The following ADAT2 variants were observed in gnomAD, a reference collection of about 807,000 sequenced individuals.
ADAT2 encodes the protein tRNA-specific adenosine-34 deaminase catalytic subunit ADAT2.
Under a neutral mutation model 25.9 loss-of-function variants are expected in ADAT2, and 26 were observed. The observed-to-expected ratio is 1.00, with a 90% CI of 0.74 to 1.39. The LOEUF (loss-of-function observed/expected upper bound fraction) is 1.39. Among genes scored for constraint, ADAT2 ranks in the 40% most tolerant of loss-of-function variants. ADAT2 has a pLI of 0.00. For synonymous variants in ADAT2, 76 were observed against 86.8 expected, an observed-to-expected ratio of 0.88 and a Z score of 0.69; for missense variants, 220 against 244.8, an observed-to-expected ratio of 0.90 and a Z score of 0.68.
intron 1 of ADAT2, among the ~76,000 whole-genome samples, chr6:143,447,439 A>C (rs1779629161): frequency 1.3e-5 from 2 of 152,316 alleles, no homozygotes. Flanking sequence ...ACCAAAAAAA[A>C]CTGCTGATAA....
At chr6:143,430,765 C>T (rs1011805901) in intron 4 of ADAT2, among the ~76,000 whole-genome samples, 45 of 152,162 alleles carry the variant, frequency 3.0e-4, no homozygotes, top group Non-Finnish European at 5.7e-4. Flanking sequence ...CGGGGTTTCA[C>T]CATGTTAGCC....
chr6:143,441,532 G>C (rs190183305), intron 1 of ADAT2: 3 of 152,376 alleles, frequency 2.0e-5, no homozygotes, highest in African/African-American at 7.2e-5. Context: ...AATGGGAGCA[G>C]GCATCACATG....
rs916862171 is a variant in ADAT2, at chr6:143,440,871, T to C, written c.97-2177A>G. 6.6e-6 allele frequency among the ~76,000 whole-genome samples: 1 copy of C among 152,212 alleles called. No individual in the cohort carries two copies. The highest frequency in any genetic ancestry group is 1.5e-5 in the Non-Finnish European group (1 of 68,036). On this transcript the variant is annotated intron_variant, in intron 1 of 5. Coordinates refer to ENST00000237283, the MANE Select transcript of ADAT2 (RefSeq NM_182503.3). This position sits in a 1 kb window ranked among gnomAD's most constrained non-coding sequence, Gnocchi z 4.5. ...ACAGAAGAGACAAATCATTTATTCA[T>C]GCAAAAAATATTTGTTGAGGATCTT...
rs1388484096 is a variant in ADAT2, at chr6:143,444,191, A to G, written c.97-5497T>C. ...TCTTCATGTTTATTTTGAGTAACAC[A>G]GTTTTTTTTCCTGAAATGCCTTCCA... On this transcript the variant is annotated intron_variant, in intron 1 of 5. Coordinates refer to ENST00000237283, the MANE Select transcript of ADAT2 (RefSeq NM_182503.3). This position sits in a 1 kb window ranked among gnomAD's most constrained non-coding sequence, Gnocchi z 4.3. 6.6e-6 allele frequency among the ~76,000 whole-genome samples: 1 copy of G among 151,876 alleles called. No individual in the cohort carries two copies. Among genetic ancestry groups the G allele is most frequent in the East Asian group, 1.9e-4 (1 of 5,192 alleles).
At chr6:143,429,766 T>C (rs944699782) in intron 4 of ADAT2, among the ~76,000 whole-genome samples, 1 of 152,180 alleles carries the variant, frequency 6.6e-6, no homozygotes, top group Non-Finnish European at 1.5e-5. Context: ...CCAGAAAGCA[T>C]AGGCACAGAG....
intron 2 of ADAT2, 79 bp downstream of exon 2, chr6:143,438,511 T>C: frequency 8.7e-7 from 1 of 1,150,942 alleles, no homozygotes; most frequent in East Asian, 2.4e-5. Flanking sequence ...AGTCTCACCT[T>C]CACACCAACT....
rs1778828585 is a variant in ADAT2 at position 143,423,020 on chromosome 6, G to A, written c.*5443C>T. On this transcript the variant is annotated 3_prime_UTR_variant, in exon 6 of 6. Coordinates refer to ENST00000237283, the MANE Select transcript of ADAT2 (RefSeq NM_182503.3). ...TTTCAAAAGGAAAAAACAAAACCAT[G>A]GTACTGAAGCAATTCACCATGAGCT... 6.6e-6 allele frequency: 1 copy of A among 152,090 alleles called. No homozygotes were observed. The highest frequency in any genetic ancestry group is 2.1e-4 in the South Asian group (1 of 4,820). The allele number at this position is 152,090 out of a possible 1,614,324, so 9.4% of individuals were successfully genotyped here. A position where few individuals can be genotyped will look rare whatever the true frequency, so the allele number is the denominator to read the frequency against.
At chr6:143,438,178 T>C (rs142505008) in intron 2 of ADAT2, among the ~76,000 whole-genome samples, 2 of 152,304 alleles carry the variant, frequency 1.3e-5, no homozygotes, top group African/African-American at 4.8e-5. Flanking sequence ...AAAAAAGGAA[T>C]GTATTATGAG....
chr6:143,448,918 AT>A (rs1174393078), intron 1 of ADAT2, among the ~76,000 whole-genome samples: 1 of 152,206 alleles, frequency 6.6e-6, no homozygotes, highest in African/African-American at 2.4e-5. Context: ...CTTTTTCAGT[AT>A]TAGGGTATAC....
chr6:143,424,679 TTCTC>T lies in ADAT2; in HGVS notation c.*3780_*3783del, dbSNP rs1205610428. 6.6e-6 allele frequency: 1 copy of T among 152,220 alleles called. No individual in the cohort carries two copies. The highest frequency in any genetic ancestry group is 1.5e-5 in the Non-Finnish European group (1 of 68,038). 9.4% of individuals were successfully genotyped at this position (152,220 alleles called of 1,614,324 possible). A position where few individuals can be genotyped will look rare whatever the true frequency, so the allele number is the denominator to read the frequency against. ...GGAAATTAGGAAGGAAAGAATTTAT[TTCTC>T]AGGCTTAATTTTGATGCTTATTAAG... On this transcript the variant is annotated 3_prime_UTR_variant, in exon 6 of 6. Coordinates refer to ENST00000237283, the MANE Select transcript of ADAT2 (RefSeq NM_182503.3). The surrounding 1 kb of genome is among the most constrained non-coding windows in gnomAD (Gnocchi z 4.8).
Position 143,423,424 on chromosome 6 carries a change from G to A in ADAT2, c.*5039C>T, listed in dbSNP as rs1024369454. ...CATGAGTGGTACCGAAACCGGCAGC[G>A]GGCTGGATATGGCCCATGGGCCATA... On this transcript the variant is annotated 3_prime_UTR_variant, in exon 6 of 6. Coordinates refer to ENST00000237283, the MANE Select transcript of ADAT2 (RefSeq NM_182503.3). 2 of 152,094 alleles carry A rather than the reference G, an allele frequency of 1.3e-5. No individual in the cohort carries two copies. Among genetic ancestry groups the A allele is most frequent in the Non-Finnish European group, 2.9e-5 (2 of 68,008 alleles). The allele number at this position is 152,094 out of a possible 1,614,324, so 9.4% of individuals were successfully genotyped here. A position where few individuals can be genotyped will look rare whatever the true frequency, so the allele number is the denominator to read the frequency against.
intron 1 of ADAT2, chr6:143,445,054 T>C (rs1779562599): frequency 5.0e-6 from 4 of 800,140 alleles, no homozygotes; most frequent in Non-Finnish European, 7.2e-6. Flanking sequence ...GGCTAAACTA[T>C]ATAACTGTTT....
At chr6:143,445,101 G>A in intron 1 of ADAT2, 1 of 287,934 alleles carries the variant, frequency 3.5e-6, no homozygotes, top group South Asian at 5.4e-5. Context: ...TACTCTCTGA[G>A]TAATTAGCAG....
chr6:143,434,307 ATGGTTTC>A lies in ADAT2; in HGVS notation c.202-333_202-327del, dbSNP rs985548610. Among the ~76,000 whole-genome samples the A allele has an allele frequency of 6.6e-6, 1 of 152,232 alleles. No homozygotes were observed. Among genetic ancestry groups the A allele is most frequent in the African/African-American group, 2.4e-5 (1 of 41,458 alleles). On this transcript the variant is annotated intron_variant, in intron 2 of 5. Coordinates refer to ENST00000237283, the MANE Select transcript of ADAT2 (RefSeq NM_182503.3). This position sits in a 1 kb window ranked among gnomAD's most constrained non-coding sequence, Gnocchi z 4.5. ...AAACAAAGAAAAAAAGATAAAGTCT[ATGGTTTC>A]TGAATATTTCAGGGGAAGCAAAATT...
rs1778932577 is a variant in ADAT2, at chr6:143,426,312, C to T, written c.*2151G>A. 1 of 152,200 alleles carries T rather than the reference C, an allele frequency of 6.6e-6. No individual in the cohort carries two copies. The highest frequency in any genetic ancestry group is 2.4e-5 in the African/African-American group (1 of 41,444). 9.4% of individuals were successfully genotyped at this position (152,200 alleles called of 1,614,324 possible). A position where few individuals can be genotyped will look rare whatever the true frequency, so the allele number is the denominator to read the frequency against. On this transcript the variant is annotated 3_prime_UTR_variant, in exon 6 of 6. Coordinates refer to ENST00000237283, the MANE Select transcript of ADAT2 (RefSeq NM_182503.3). The surrounding 1 kb of genome is among the most constrained non-coding windows in gnomAD (Gnocchi z 4.1). ...ATATATCCATAATTCCTCACTGTCA[C>T]TTGGAAATTGCTAGCAGAATTCCAT...
intron 4 of ADAT2, among the ~76,000 whole-genome samples, chr6:143,430,623 G>A (rs1426371571): frequency 1.3e-5 from 2 of 152,008 alleles, no homozygotes; most frequent in Non-Finnish European, 2.9e-5. Context: ...GTGCAGTGGC[G>A]CAATCTCGGC....
chr6:143,441,112 C>T (rs1033782913), intron 1 of ADAT2, among the ~76,000 whole-genome samples: 2 of 152,182 alleles, frequency 1.3e-5, no homozygotes, highest in Non-Finnish European at 2.9e-5. Flanking sequence ...TTGGGGCTCA[C>T]TAAAATTTCA....
At chr6:143,443,050 C>G (rs1482831520) in intron 1 of ADAT2, among the ~76,000 whole-genome samples, 1 of 152,100 alleles carries the variant, frequency 6.6e-6, no homozygotes, top group Non-Finnish European at 1.5e-5. Flanking sequence ...TACTTTGATC[C>G]AGGACTAATT....
rs576752471 is a variant in ADAT2 at position 143,427,446 on chromosome 6, C to T, written c.*1017G>A. 1 of 152,338 alleles carries T rather than the reference C, an allele frequency of 6.6e-6. No homozygotes were observed. Among genetic ancestry groups the T allele is most frequent in the Non-Finnish European group, 1.5e-5 (1 of 68,036 alleles). 9.4% of individuals were successfully genotyped at this position (152,338 alleles called of 1,614,324 possible). A position where few individuals can be genotyped will look rare whatever the true frequency, so the allele number is the denominator to read the frequency against. ...CGCCCAGAGGGCTGTGCAAAGCTGC[C>T]CTGTAGTCATGGAGGTGAACTGGGG... On this transcript the variant is annotated 3_prime_UTR_variant, in exon 6 of 6. Coordinates refer to ENST00000237283, the MANE Select transcript of ADAT2 (RefSeq NM_182503.3).
Sources: allele counts gnomAD v4.1 joint callset (sites outside exome capture counted in the v4.1 genomes callset), GRCh38; gene constraint gnomAD v4.1.1; non-coding constraint Gnocchi (gnomAD v3.1); transcripts MANE v1.5; gene names NCBI Gene and HGNC (gene_info 2026-07-23, HGNC 2026-07-21).